The following NSD3 variants were observed in gnomAD, a reference collection of about 807,000 sequenced individuals.
The protein encoded by NSD3 is histone-lysine N-methyltransferase NSD3.
Under a neutral mutation model 160.8 loss-of-function variants are expected in NSD3, and 24 were observed. The ratio of observed to expected loss-of-function variants is 0.15; its 90% CI spans 0.11 to 0.21. The LOEUF (loss-of-function observed/expected upper bound fraction) is 0.21, where lower values mean the gene tolerates loss of function less well. NSD3 is among the 10% of genes least tolerant of loss of function. The pLI, the probability that NSD3 is intolerant of heterozygous loss-of-function variation, is 1.00. For missense variants in NSD3, 1,157 were observed against 1,735.9 expected (o/e 0.67, Z 5.93); for synonymous variants, 520 against 600.0 (o/e 0.87, Z 1.95).
At chr8:38,363,495 A>G (rs745368865) in intron 1 of NSD3, among the ~76,000 whole-genome samples, 2 of 152,034 alleles carry the variant, frequency 1.3e-5, no homozygotes, top group Admixed American at 6.6e-5. Flanking sequence ...TACAAAAACT[A>G]GCTGGGCATG....
intron 7 of NSD3, among the ~76,000 whole-genome samples, chr8:38,322,579 T>G (rs1237976017): frequency 1.3e-5 from 2 of 152,230 alleles, no homozygotes; most frequent in Non-Finnish European, 2.9e-5. Context: ...CAGATGAGAT[T>G]TGATTTACTG....
Position 38,329,606 on chromosome 8 carries a change from G to C in NSD3, c.1353C>G (p.Ser451Arg), listed in dbSNP as rs1391728107. Residue 451 changes from serine (S) to arginine (R), a missense_variant, in exon 6 of 24, where the codon AGC becomes AGG. Coordinates refer to ENST00000317025, the MANE Select transcript of NSD3 (RefSeq NM_023034.2). The surrounding 1 kb of genome is among the most constrained non-coding windows in gnomAD (Gnocchi z 4.8). ...CTTCCGCACTTGTGTGCCGCCTCTG[G>C]CTATGTCTCCGAATTTCAGTACTTG... ...SLSSTEIRRH[S>R]QRRHTSAEEE... is the part of the protein sequence containing the mutation. The C allele has an allele frequency of 6.2e-7, 1 of 1,614,180 alleles. No individual in the cohort carries two copies. Among genetic ancestry groups the C allele is most frequent in the Non-Finnish European group, 8.5e-7 (1 of 1,180,042 alleles).
chr8:38,374,846 T>C (rs1255018832), intron 1 of NSD3, among the ~76,000 whole-genome samples: 1 of 151,736 alleles, frequency 6.6e-6, no homozygotes, highest in Admixed American at 6.6e-5. Flanking sequence ...CTACTAAAAA[T>C]ACAAAAAATT....
intron 2 of NSD3, among the ~76,000 whole-genome samples, chr8:38,345,112 C>T (rs550956326): frequency 1.4e-4 from 21 of 152,262 alleles, no homozygotes; most frequent in Non-Finnish European, 2.6e-4. Context: ...ACTTCTACAA[C>T]TGCCCCCGTG....
chr8:38,281,502 T>C lies in NSD3; in HGVS notation c.3583A>G (p.Ser1195Gly). 2.6e-6 allele frequency: 4 copies of C among 1,555,498 alleles called. No homozygotes were observed. Among genetic ancestry groups the C allele is most frequent in the Non-Finnish European group, 3.5e-6 (4 of 1,148,066 alleles). Reference sequence around the variant, plus strand: ...GTTAACATATAAAAATTAGTTACACTGTTCTCGTGGGCTCGCTTGATTCGC... The same window carrying C: ...GTTAACATATAAAAATTAGTTACACCGTTCTCGTGGGCTCGCTTGATTCGC... ...RLRIKRAHEN[S>G]VTNFYMLTVT... The change falls in exon 20 of 24, where the codon AGT becomes GGT. Residue 1195 changes from serine to glycine, a missense_variant. Coordinates refer to ENST00000317025, the MANE Select transcript of NSD3 (RefSeq NM_023034.2).
chr8:38,326,598 T>C (rs1809918102), intron 7 of NSD3, 132 bp downstream of exon 7: 1 of 1,125,924 alleles, frequency 8.9e-7, no homozygotes, highest in African/African-American at 1.6e-5. Context: ...TAACTGCTTT[T>C]ATATTTTGAT....
At chr8:38,306,672 A>T (rs757593077) in intron 12 of NSD3, among the ~76,000 whole-genome samples, 2 of 152,238 alleles carry the variant, frequency 1.3e-5, no homozygotes, top group African/African-American at 2.4e-5. Flanking sequence ...ACTACAAATC[A>T]ATATAGAAAA....
At chr8:38,276,249 T>G in intron 23 of NSD3, 47 bp downstream of exon 23, 1 of 1,587,222 alleles carries the variant, frequency 6.3e-7, no homozygotes, top group East Asian at 2.2e-5. Context: ...TTACACATAG[T>G]TGGCAAAGAC....
intron 4 of NSD3, among the ~76,000 whole-genome samples, chr8:38,334,663 A>C (rs1390247021): frequency 1.3e-5 from 2 of 151,978 alleles, no homozygotes; most frequent in Non-Finnish European, 2.9e-5. Context: ...GGGAGGCTGA[A>C]GCAGGAGAAT....
intron 1 of NSD3, among the ~76,000 whole-genome samples, chr8:38,352,675 A>C (rs1262489309): frequency 1.3e-5 from 2 of 151,972 alleles, no homozygotes; most frequent in African/African-American, 4.8e-5. Context: ...ACACACAATC[A>C]CAGCTCACCG....
In NSD3 at chr8:38,347,609, G is replaced by A. The variant is rs760270480; in HGVS notation, c.563C>T (p.Ser188Leu). ...CTTTTCTTTTCTGCTTTCATGCTTT[G>A]ATTTCGTGTGCTCACTTGCCTGTAC... ...NEVQASEHTK[S>L]KHESRKEKRK... is the part of the protein sequence containing the mutation. The change falls in exon 2 of 24, where the codon TCA becomes TTA. Residue 188 changes from serine to leucine, a missense_variant. By Grantham distance (145) the Ser-to-Leu change is moderately radical (BLOSUM62 -2). Around this residue, in one of 10 missense-constraint regions of NSD3, gnomAD observed 99 missense variants for 151.8 expected, o/e 0.65. Coordinates refer to ENST00000317025, the MANE Select transcript of NSD3 (RefSeq NM_023034.2). 3 of 1,613,844 alleles carry A rather than the reference G, an allele frequency of 1.9e-6. No individual in the cohort carries two copies. Among genetic ancestry groups the A allele is most frequent in the Admixed American group, 1.7e-5 (1 of 60,004 alleles).
At position 38,340,091 on chromosome 8, in the gene NSD3, T is replaced by C. The variant is rs1049659253; in HGVS notation, c.676-1484A>G. Among the ~76,000 whole-genome samples the C allele has an allele frequency of 6.6e-5, 10 of 152,100 alleles. 1 individual carries two copies. Among genetic ancestry groups the C allele is most frequent in the African/African-American group, 2.4e-4 (10 of 41,424 alleles). On this transcript the variant is annotated intron_variant, in intron 2 of 23. Coordinates refer to ENST00000317025, the MANE Select transcript of NSD3 (RefSeq NM_023034.2). ...TCTATACCTTTTTATTATTCGTCTTTTCTGTAAAAAAAAAACCAAATTACT... is the reference window on the plus strand; with the variant it reads ...TCTATACCTTTTTATTATTCGTCTTCTCTGTAAAAAAAAAACCAAATTACT...
chr8:38,270,366 T>G lies in NSD3; in HGVS notation c.*5275A>C, dbSNP rs929344482. ...AAACGGAGTCTGTAGGTATCTGTGT[T>G]TGTTGTGCAATATCACTCAAATGGG... On this transcript the variant is annotated 3_prime_UTR_variant, in exon 24 of 24. Transcript: ENST00000317025. The G allele has an allele frequency of 6.6e-6, 1 of 152,238 alleles. No homozygotes were observed. Among genetic ancestry groups the G allele is most frequent in the Non-Finnish European group, 1.5e-5 (1 of 68,034 alleles). The allele number at this position is 152,238 out of a possible 1,614,324, so 9.4% of individuals were successfully genotyped here. A position where few individuals can be genotyped will look rare whatever the true frequency, so the allele number is the denominator to read the frequency against.
chr8:38,349,767 T>C (rs1196829697), intron 1 of NSD3, among the ~76,000 whole-genome samples: 2 of 150,574 alleles, frequency 1.3e-5, no homozygotes, highest in Non-Finnish European at 3.0e-5. Context: ...ACATGTGCCA[T>C]GTTGGTGTGC....
intron 1 of NSD3, among the ~76,000 whole-genome samples, chr8:38,353,910 GCT>G: frequency 6.6e-6 from 1 of 152,244 alleles, no homozygotes; most frequent in South Asian, 2.1e-4. Flanking sequence ...CTAATCCTGT[GCT>G]CTTTTTCACA....
intron 19 of NSD3, among the ~76,000 whole-genome samples, chr8:38,284,606 C>G (rs117085201): frequency 1.3e-5 from 2 of 152,112 alleles, no homozygotes; most frequent in African/African-American, 4.8e-5. Context: ...AGGCTGGTCT[C>G]GAACTCGTAA....
intron 17 of NSD3, 107 bp downstream of exon 17, chr8:38,290,368 T>C: frequency 2.7e-6 from 3 of 1,118,512 alleles, no homozygotes; most frequent in Non-Finnish European, 4.0e-6. Flanking sequence ...GATCATAATG[T>C]CTAGTGAAAA....
At position 38,288,391 on chromosome 8, in the gene NSD3, T is replaced by C; in HGVS notation, c.3501+96A>G. On this transcript the variant is annotated intron_variant, in intron 19 of 23. Transcript: ENST00000317025. This position sits in a 1 kb window ranked among gnomAD's most constrained non-coding sequence, Gnocchi z 4.5. ...AAAGTTTTAACATTTTACCACAAAT[T>C]CCTGCTGATTTTATCCCTAGAACTA... The C allele has an allele frequency of 6.7e-7, 1 of 1,484,694 alleles. No individual in the cohort carries two copies. The highest frequency in any genetic ancestry group is 2.3e-5 in the Admixed American group (1 of 44,192). 92.0% of individuals were successfully genotyped at this position (1,484,694 alleles called of 1,614,324 possible).
At chr8:38,296,223 G>T (rs959362821) in intron 15 of NSD3, among the ~76,000 whole-genome samples, 1 of 152,108 alleles carries the variant, frequency 6.6e-6, no homozygotes. Context: ...GGGCTACTGA[G>T]GTATCAGTTT....
Sources: allele counts gnomAD v4.1 joint callset (sites outside exome capture counted in the v4.1 genomes callset), GRCh38; gene constraint gnomAD v4.1.1; regional missense constraint gnomAD v4.1.1; non-coding constraint Gnocchi (gnomAD v3.1); transcripts MANE v1.5; gene names NCBI Gene and HGNC (gene_info 2026-07-23, HGNC 2026-07-21).